Variants in PNMA5 observed in about 807,000 individuals in gnomAD.
The protein encoded by PNMA5 is paraneoplastic antigen-like protein 5.
For synonymous variants in PNMA5, 138 were observed against 137.9 expected, an observed-to-expected ratio of 1.00 and a Z score of 0.00; for missense variants, 334 against 356.6, an observed-to-expected ratio of 0.94 and a Z score of 0.51.
chrX:152,991,571 A>G lies in PNMA5; in HGVS notation c.28T>C (p.Cys10Arg), dbSNP rs1758551117. 8.6e-7 allele frequency: 1 copy of G among 1,161,493 alleles called. No individual in the cohort carries two copies. Among genetic ancestry groups the G allele is most frequent in the Non-Finnish European group, 1.1e-6 (1 of 872,476 alleles). ...CTGGGGTCCATGTCCATCCCCTTGC[A>G]CCAATCCTCTAGCAGTGTCAGTGCC... MALTLLEDW[C>R]KGMDMDPRKA... Residue 10 changes from cysteine to arginine, a missense_variant, in exon 4 of 4, where the codon TGC (cysteine) becomes CGC (arginine). Cys to Arg is a radical substitution (Grantham distance 180, BLOSUM62 -3). Transcript: ENST00000535214.
At chrX:152,992,949 G>C (rs1357766013) in intron 1 of PNMA5, among the ~76,000 whole-genome samples, 163 bp from the exon 2 acceptor site, 1 of 96,310 alleles carries the variant, frequency 1.0e-5, no homozygotes, top group East Asian at 3.4e-4. Flanking sequence ...GGGGGGAGGA[G>C]TCGGGGGACG....
intron 1 of PNMA5, among the ~76,000 whole-genome samples, chrX:152,993,657 G>A (rs1603342006): frequency 8.9e-6 from 1 of 112,468 alleles, no homozygotes; most frequent in African/African-American, 3.2e-5. Flanking sequence ...TGATTCTCCG[G>A]CCTCAGCCTC....
rs1556924509 is a variant in PNMA5, at chrX:152,991,256, G to A, written c.343C>T (p.Arg115Ter). ...RLNYFLKDEG[R>*]SMTDVARALG... ...GCTCTGGCCACATCTGTCATACTTC[G>A]GCCCTCATCTTTCAGGAAGTAGTTC... Residue 115 changes from arginine (R) to a stop codon, truncating the protein, a stop_gained, in exon 4 of 4, where the codon CGA (arginine) becomes TGA (stop). Coordinates refer to ENST00000535214, the MANE Select transcript of PNMA5 (RefSeq NM_001184924.2). LOFTEE classifies it low-confidence loss of function (END_TRUNC). 1.2e-5 allele frequency: 14 copies of A among 1,202,318 alleles called. No homozygotes were observed. Among genetic ancestry groups the A allele is most frequent in the Admixed American group, 2.2e-5 (1 of 45,074 alleles).
In PNMA5 at chrX:152,991,463, G is replaced by A. The variant is rs146467932; in HGVS notation, c.136C>T (p.Leu46=). ...CTCCCTAGGACCCTGTATGCGCACA[G>A]GGGCTGTAAGCCTGCCTTCACAGTG... ...QDTVKAGLQP[L]CAYRVLGRMF... The change falls in exon 4 of 4, where the codon CTG becomes TTG. Residue 46 remains leucine, a synonymous_variant. Coordinates refer to ENST00000535214, the MANE Select transcript of PNMA5 (RefSeq NM_001184924.2). 2.5e-5 allele frequency: 30 copies of A among 1,205,226 alleles called. No homozygotes were observed. The African/African-American group carries it at 4.4e-4, about 18-fold the overall frequency.
At chrX:152,993,092 C>T (rs1438462280) in intron 1 of PNMA5, among the ~76,000 whole-genome samples, 2 of 109,740 alleles carry the variant, frequency 1.8e-5, no homozygotes, top group Non-Finnish European at 3.8e-5. Flanking sequence ...TCCCAAGCTC[C>T]GCCCCTACAG....
chrX:152,990,678 C>T lies in PNMA5; in HGVS notation c.921G>A (p.Glu307=). 4 of 1,188,554 alleles carry T rather than the reference C, an allele frequency of 3.4e-6. No homozygotes were observed. Among genetic ancestry groups the T allele is most frequent in the Non-Finnish European group, 4.5e-6 (4 of 886,943 alleles). ...AMTPALRGKL[E]LLDQRGCPPN... is the part of the protein sequence containing the mutation. ...GAGGACACCCTCGCTGATCCAAGAGCTCCAGCTTGCCCCTGAGGGCGGGGG... is the reference window on the plus strand; with the variant it reads ...GAGGACACCCTCGCTGATCCAAGAGTTCCAGCTTGCCCCTGAGGGCGGGGG... Residue 307 remains glutamate, a synonymous_variant, in exon 4 of 4, where the codon GAG becomes GAA. Transcript: ENST00000535214.
chrX:152,992,673 T>C lies in PNMA5; in HGVS notation c.-216A>G, dbSNP rs897339620. ...GCTGCTCACCTTGCTGGGTTGGCCC[T>C]GCTGGCAGCGCGGATGCTGCAATAA... On this transcript the variant is annotated 5_prime_UTR_variant, in exon 2 of 4. Transcript: ENST00000535214. 8.9e-6 allele frequency: 1 copy of C among 111,805 alleles called. No homozygotes were observed. Among genetic ancestry groups the C allele is most frequent in the Non-Finnish European group, 1.9e-5 (1 of 53,161 alleles). 9.2% of individuals were successfully genotyped at this position (111,805 alleles called of 1,213,427 possible). A position where few individuals can be genotyped will look rare whatever the true frequency, so the allele number is the denominator to read the frequency against.
rs782324309 is a variant in PNMA5 at position 152,989,579 on chromosome X, C to G, written c.*673G>C. The G allele has an allele frequency of 9.1e-6, 1 of 109,993 alleles. No homozygotes were observed. Among genetic ancestry groups the G allele is most frequent in the South Asian group, 4.2e-4 (1 of 2,384 alleles). 9.1% of individuals were successfully genotyped at this position (109,993 alleles called of 1,213,427 possible). A position where few individuals can be genotyped will look rare whatever the true frequency, so the allele number is the denominator to read the frequency against. On this transcript the variant is annotated 3_prime_UTR_variant, in exon 4 of 4. Transcript: ENST00000535214. Reference sequence around the variant, plus strand: ...CCCCCTCTTCCTCCTTCTCCTCCCCCTCTTCCTCCTGCTCCTCCTTATTCT... The same window carrying G: ...CCCCCTCTTCCTCCTTCTCCTCCCCGTCTTCCTCCTGCTCCTCCTTATTCT...
Position 152,991,929 on chromosome X carries a change from G to T in PNMA5, c.-151C>A. 1 of 208,608 alleles carries T rather than the reference G, an allele frequency of 4.8e-6. No individual in the cohort carries two copies. The allele number at this position is 208,608 out of a possible 1,213,427, so 17.2% of individuals were successfully genotyped here. ...CTCCCTGCTGACTTCCTCCTGCTGT[G>T]GGTTCTTCCTCAAAGTCCAGAGGAC... On this transcript the variant is annotated 5_prime_UTR_variant, in exon 3 of 4. Transcript: ENST00000535214.
chrX:152,990,034 G>T lies in PNMA5; in HGVS notation c.*218C>A. Reference sequence around the variant, plus strand: ...TTCCCCGCTTGTGTCTCCTGTACCTGTTAGGGGCTATGGGCCCGGCCCCCA... The same window carrying T: ...TTCCCCGCTTGTGTCTCCTGTACCTTTTAGGGGCTATGGGCCCGGCCCCCA... On this transcript the variant is annotated 3_prime_UTR_variant, in exon 4 of 4. Coordinates refer to ENST00000535214, the MANE Select transcript of PNMA5 (RefSeq NM_001184924.2). 1.9e-6 allele frequency: 1 copy of T among 538,908 alleles called. No homozygotes were observed. Among genetic ancestry groups the T allele is most frequent in the Non-Finnish European group, 2.6e-6 (1 of 385,883 alleles). The allele number at this position is 538,908 out of a possible 1,213,427, so 44.4% of individuals were successfully genotyped here.
At chrX:152,993,003 G>A (rs2050920171) in intron 1 of PNMA5, among the ~76,000 whole-genome samples, 2 of 93,037 alleles carry the variant, frequency 2.1e-5, no homozygotes, top group African/African-American at 8.0e-5. Flanking sequence ...TAGGGGGTGG[G>A]GGCAGGGGGG....
In PNMA5 at chrX:152,991,801, C is replaced by T. The variant is rs781909897; in HGVS notation, c.-123-80G>A. The T allele has an allele frequency of 2.0e-5, 9 of 447,956 alleles. No individual in the cohort carries two copies. The African/African-American group carries it at 2.0e-4, about 10-fold the overall frequency. 36.9% of individuals were successfully genotyped at this position (447,956 alleles called of 1,213,427 possible). On this transcript the variant is annotated intron_variant, in intron 3 of 3. Transcript: ENST00000535214. ...CAAGCACCCCTCCTCTGCCCCCACC[C>T]CCAAGCAGGGATGGAGTCCTTTCTT...
Position 152,990,703 on chromosome X carries a change from GT to G in PNMA5, c.895del (p.Thr299ProfsTer23). 2 of 1,197,458 alleles carry G rather than the reference GT, an allele frequency of 1.7e-6. No individual in the cohort carries two copies. Among genetic ancestry groups the G allele is most frequent in the Non-Finnish European group, 2.2e-6 (2 of 889,653 alleles). ...LKHLLARVAM[T>X]PALRGKLELL... ...CTCCAGCTTGCCCCTGAGGGCGGGGGTCATGGCGACCCGAGCTAAGAGATGT... is the reference window on the plus strand; with the variant it reads ...CTCCAGCTTGCCCCTGAGGGCGGGGGCATGGCGACCCGAGCTAAGAGATGT... On this transcript the variant is annotated frameshift_variant, in exon 4 of 4. Transcript: ENST00000535214. LOFTEE classifies it low-confidence loss of function (END_TRUNC).
intron 2 of PNMA5, 109 bp downstream of exon 2, chrX:152,992,548 A>G (rs2050916651): frequency 1.8e-5 from 2 of 111,751 alleles, no homozygotes; most frequent in Admixed American, 1.9e-4. Flanking sequence ...TGCCCTAGAG[A>G]TGGCCCTACC....
In PNMA5 at chrX:152,990,859, C is replaced by T; in HGVS notation, c.740G>A (p.Arg247Lys). The change falls in exon 4 of 4, where the codon AGG becomes AAG. Residue 247 changes from arginine (R) to lysine (K), a missense_variant. By Grantham distance (26) the Arg-to-Lys change is conservative (BLOSUM62 2). Coordinates refer to ENST00000535214, the MANE Select transcript of PNMA5 (RefSeq NM_001184924.2). ...DKEDFRASQFRFLQTSPKIGE... is the reference protein window; with the variant it reads ...DKEDFRASQFKFLQTSPKIGE... ...AATCTTCGGAGAGGTCTGCAGAAACCTAAACTGAGAGGCTCTAAAGTCCTC... is the reference window on the plus strand; with the variant it reads ...AATCTTCGGAGAGGTCTGCAGAAACTTAAACTGAGAGGCTCTAAAGTCCTC... The T allele has an allele frequency of 1.7e-6, 2 of 1,208,795 alleles. No individual in the cohort carries two copies. The highest frequency in any genetic ancestry group is 2.2e-6 in the Non-Finnish European group (2 of 894,605).
At chrX:152,993,930 C>T (rs1164645619) in intron 1 of PNMA5, 103 bp downstream of exon 1, 4 of 113,112 alleles carry the variant, frequency 3.5e-5, no homozygotes, top group African/African-American at 1.3e-4. Context: ...TCCAGGGAAA[C>T]CTATGGCCAC....
Position 152,990,147 on chromosome X carries a change from G to C in PNMA5, c.*105C>G. On this transcript the variant is annotated 3_prime_UTR_variant, in exon 4 of 4. Coordinates refer to ENST00000535214, the MANE Select transcript of PNMA5 (RefSeq NM_001184924.2). The stretch of plus-strand genomic sequence containing the variant: ...GGCTTGATCTCGACCTGGCTTCCCT[G>C]TCCCTCTGCCCCAGTCAAGTTCCCT... 4 of 1,029,676 alleles carry C rather than the reference G, an allele frequency of 3.9e-6. No individual in the cohort carries two copies. Among genetic ancestry groups the C allele is most frequent in the Non-Finnish European group, 5.0e-6 (4 of 802,799 alleles). 84.9% of individuals were successfully genotyped at this position (1,029,676 alleles called of 1,213,427 possible). A position where few individuals can be genotyped will look rare whatever the true frequency, so the allele number is the denominator to read the frequency against.
chrX:152,993,574 C>T (rs1484947629), intron 1 of PNMA5, among the ~76,000 whole-genome samples: 2 of 111,966 alleles, frequency 1.8e-5, no homozygotes, highest in African/African-American at 6.5e-5. Context: ...GAAACGGAGT[C>T]TGGCTTTGTC....
In PNMA5 at chrX:152,991,155, C is replaced by T. The variant is rs2050901483; in HGVS notation, c.444G>A (p.Glu148=). 2 of 1,206,664 alleles carry T rather than the reference C, an allele frequency of 1.7e-6. No individual in the cohort carries two copies. The highest frequency in any genetic ancestry group is 2.2e-5 in the Admixed American group (1 of 45,386). Residue 148 remains glutamate, a synonymous_variant, in exon 4 of 4, where the codon GAG becomes GAA. Transcript: ENST00000535214. The part of the protein sequence containing the change: ...VMPQVRSPPL[E]PPKESMWYRK... ...TGTACCACATACTTTCTTTCGGAGG[C>T]TCTAAAGGTGGGGATCTAACTTGGG...
Sources: allele counts gnomAD v4.1 joint callset (sites outside exome capture counted in the v4.1 genomes callset), GRCh38; gene constraint gnomAD v4.1.1; transcripts MANE v1.5; gene names NCBI Gene and HGNC (gene_info 2026-07-23, HGNC 2026-07-21).